BRWD3: variants seen among roughly 807,000 people sequenced by gnomAD.
BRWD3 encodes the protein bromodomain and WD repeat-containing protein 3.
In BRWD3, 10 loss-of-function variants were observed where a neutral mutation model predicts 149.7. The ratio of observed to expected loss-of-function variants is 0.07; its 90% CI spans 0.04 to 0.11. BRWD3 has a LOEUF of 0.11. BRWD3 is among the 10% of genes least tolerant of loss of function. The probability of loss-of-function intolerance (pLI) is 1.00; values close to 1 mark genes in which losing one functional copy is unlikely to be tolerated. For missense variants in BRWD3, 940 were observed against 1,373.2 expected (o/e 0.68, Z 4.99); for synonymous variants, 504 against 456.7 (o/e 1.10, Z -1.32).
intron 13 of BRWD3, 24 bp downstream of exon 13, chrX:80,729,892 T>C (rs369366827): frequency 1.1e-5 from 11 of 983,448 alleles, no homozygotes; most frequent in Admixed American, 2.2e-5. Flanking sequence ...GAGAACCACA[T>C]AAACATCTAA....
intron 6 of BRWD3, among the ~76,000 whole-genome samples, chrX:80,768,800 G>C (rs1001123745): frequency 2.7e-5 from 3 of 110,552 alleles, no homozygotes; most frequent in African/African-American, 9.9e-5. Flanking sequence ...TGTATAAAGA[G>C]TCAAGACCAA....
chrX:80,691,794 C>T, intron 30 of BRWD3, 29 bp downstream of exon 30: 4 of 1,209,184 alleles, frequency 3.3e-6, no homozygotes, highest in Non-Finnish European at 4.5e-6. Context: ...CTCTTGCATG[C>T]TCCTAAAATT....
intron 18 of BRWD3, among the ~76,000 whole-genome samples, chrX:80,718,197 A>C (rs2073099335): frequency 8.9e-6 from 1 of 111,945 alleles, no homozygotes; most frequent in South Asian, 3.6e-4. Flanking sequence ...AAGTGTAAAT[A>C]AATATTTTTT....
chrX:80,698,477 G>C (rs1819600484), intron 25 of BRWD3, among the ~76,000 whole-genome samples: 1 of 111,261 alleles, frequency 9.0e-6, no homozygotes, highest in African/African-American at 3.3e-5. Context: ...TGGAGGCCAA[G>C]TCGGGTGGAT....
chrX:80,740,525 G>A (rs1224636272), intron 8 of BRWD3, among the ~76,000 whole-genome samples: 1 of 111,701 alleles, frequency 9.0e-6, no homozygotes, highest in African/African-American at 3.3e-5. Flanking sequence ...CCAGAGGATC[G>A]CACTTGAGTC....
chrX:80,757,122 G>A (rs953667594), intron 6 of BRWD3, among the ~76,000 whole-genome samples: 2 of 111,498 alleles, frequency 1.8e-5, no homozygotes, highest in Admixed American at 9.5e-5. Flanking sequence ...ATACTTCAAG[G>A]TTATGTAATA....
chrX:80,703,426 A>G, intron 24 of BRWD3, 54 bp downstream of exon 24: 2 of 759,929 alleles, frequency 2.6e-6, no homozygotes, highest in East Asian at 3.4e-5. Context: ...CAGACTGATT[A>G]AAGTTAGTGC....
At chrX:80,778,849 A>C (rs773414044) in intron 6 of BRWD3, among the ~76,000 whole-genome samples, 1 of 111,129 alleles carries the variant, frequency 9.0e-6, no homozygotes, top group Non-Finnish European at 1.9e-5. Flanking sequence ...AAACACAAAA[A>C]TTAGCTGAGC....
At position 80,793,755 on chromosome X, in the gene BRWD3, G is replaced by A; in HGVS notation, c.198C>T (p.His66=). 8.3e-7 allele frequency: 1 copy of A among 1,208,762 alleles called. No homozygotes were observed. The highest frequency in any genetic ancestry group is 1.7e-5 in the African/African-American group (1 of 57,776). Residue 66 remains histidine, a synonymous_variant, in exon 5 of 41, where the codon CAC becomes CAT. Transcript: ENST00000373275. ...SFEDLVAANA[H]IPPDYLLKIC... ...TTTTAAGGAGGTAGTCTGGAGGAAT[G>A]TGTGCATTTGCTGCCACCTAAAAAA...
intron 8 of BRWD3, among the ~76,000 whole-genome samples, chrX:80,738,440 C>T (rs1038276053): frequency 8.1e-5 from 9 of 111,565 alleles, no homozygotes; most frequent in African/African-American, 2.9e-4. Flanking sequence ...TAGCATCATA[C>T]CACTTTAACT....
Position 80,717,657 on chromosome X carries a change from G to T in BRWD3, c.2147C>A (p.Pro716His). The T allele has an allele frequency of 8.3e-7, 1 of 1,211,118 alleles. No homozygotes were observed. Among genetic ancestry groups the T allele is most frequent in the Admixed American group, 2.2e-5 (1 of 46,038 alleles). Reference sequence around the variant, plus strand: ...TCTTTCAGTGGCCATCTGGCTCCGAGGAGCATTGTTATGCATTTGTCTAAC... The same window carrying T: ...TCTTTCAGTGGCCATCTGGCTCCGATGAGCATTGTTATGCATTTGTCTAAC... ...EGVRQMHNNA[P>H]RSQMATERDL... Residue 716 changes from proline (P) to histidine (H), a missense_variant, in exon 19 of 41, where the codon CCT becomes CAT. Physicochemically the swap from Pro to His is moderately conservative, Grantham distance 77. Around this residue, in one of 6 missense-constraint regions of BRWD3, gnomAD observed 103 missense variants for 103.2 expected, o/e 1.00. Coordinates refer to ENST00000373275, the MANE Select transcript of BRWD3 (RefSeq NM_153252.5).
At chrX:80,705,310 T>A (rs1450937829) in intron 22 of BRWD3, among the ~76,000 whole-genome samples, 2 of 110,451 alleles carry the variant, frequency 1.8e-5, no homozygotes, top group African/African-American at 3.3e-5. Context: ...ATTATCTAAG[T>A]AATTTTAATG....
intron 26 of BRWD3, 108 bp from the exon 27 acceptor site, chrX:80,696,098 A>G (rs1304945427): frequency 2.0e-5 from 13 of 661,886 alleles, no homozygotes; most frequent in Non-Finnish European, 2.8e-5. Flanking sequence ...AAAAGTTTGC[A>G]AACCTCACAG....
chrX:80,735,508 G>A (rs1263299414), intron 9 of BRWD3, among the ~76,000 whole-genome samples: 1 of 111,378 alleles, frequency 9.0e-6, no homozygotes, highest in Non-Finnish European at 1.9e-5. Context: ...TATATAAATT[G>A]TCTCTTCAAC....
chrX:80,719,731 T>C (rs2073118325), intron 17 of BRWD3, 75 bp from the exon 18 acceptor site: 1 of 956,860 alleles, frequency 1.0e-6, no homozygotes, highest in Non-Finnish European at 1.5e-6. Flanking sequence ...AAACAACCTA[T>C]AAATTTCTAC....
chrX:80,723,496 C>G (rs944571854), intron 16 of BRWD3, among the ~76,000 whole-genome samples: 3 of 110,496 alleles, frequency 2.7e-5, no homozygotes, highest in African/African-American at 9.8e-5. Context: ...GTATAATATA[C>G]GCAAAAGGAT....
Position 80,791,862 on chromosome X carries a change from G to T in BRWD3, c.422C>A (p.Pro141Gln). Residue 141 changes from proline (P) to glutamine (Q), a missense_variant, in exon 6 of 41, where the codon CCA becomes CAA. Coordinates refer to ENST00000373275, the MANE Select transcript of BRWD3 (RefSeq NM_153252.5). Reference protein sequence around the residue: ...PELPVNYVKPPNVVNITSARQ... With the variant: ...PELPVNYVKPQNVVNITSARQ... Reference sequence around the variant, plus strand: ...ACAGGTATATTACTCACCCACATTTGGAGGTTTCACATAATTTACAGGTAG... The same window carrying T: ...ACAGGTATATTACTCACCCACATTTTGAGGTTTCACATAATTTACAGGTAG... The T allele has an allele frequency of 8.4e-7, 1 of 1,196,719 alleles. No individual in the cohort carries two copies. The highest frequency in any genetic ancestry group is 1.8e-5 in the South Asian group (1 of 56,395).
intron 36 of BRWD3, among the ~76,000 whole-genome samples, chrX:80,685,193 G>T (rs1434810520): frequency 9.0e-6 from 1 of 111,254 alleles, no homozygotes; most frequent in Non-Finnish European, 1.9e-5. Context: ...CAATTATATT[G>T]TGTAATTGAT....
chrX:80,718,217 ATTTCAT>A (rs1184568494), intron 18 of BRWD3, among the ~76,000 whole-genome samples: 1 of 111,852 alleles, frequency 8.9e-6, no homozygotes, highest in Non-Finnish European at 1.9e-5. Context: ...TTAAATCAAA[ATTTCAT>A]TTTCAAGATT....
Sources: allele counts gnomAD v4.1 joint callset (sites outside exome capture counted in the v4.1 genomes callset), GRCh38; gene constraint gnomAD v4.1.1; regional missense constraint gnomAD v4.1.1; transcripts MANE v1.5; gene names NCBI Gene and HGNC (gene_info 2026-07-23, HGNC 2026-07-21).